Variants in ERBB4 observed in about 807,000 individuals in gnomAD.
ERBB4 encodes the protein receptor tyrosine-protein kinase erbB-4.
In ERBB4, 42 loss-of-function variants were observed where a neutral mutation model predicts 158.0. The ratio of observed to expected loss-of-function variants is 0.27; its 90% CI spans 0.21 to 0.34. The LOEUF (loss-of-function observed/expected upper bound fraction) is 0.34, where lower values mean the gene tolerates loss of function less well. Among genes scored for constraint, ERBB4 ranks in the 10% least tolerant of loss-of-function variants. The pLI is 1.00. For synonymous variants in ERBB4, 583 were observed against 558.7 expected (o/e 1.04, Z -0.61); for missense variants, 1,333 against 1,624.1 (o/e 0.82, Z 3.08).
At chr2:211,670,010 T>A (rs978058960) in intron 14 of ERBB4, among the ~76,000 whole-genome samples, 3 of 152,112 alleles carry the variant, frequency 2.0e-5, no homozygotes, top group African/African-American at 7.2e-5. Context: ...TATTCATAGA[T>A]CAAAAAATGT....
At chr2:211,866,039 C>G (rs1214975500) in intron 3 of ERBB4, among the ~76,000 whole-genome samples, 1 of 152,160 alleles carries the variant, frequency 6.6e-6, no homozygotes, top group Non-Finnish European at 1.5e-5. Flanking sequence ...TAAAAACTAT[C>G]AGGAGAACGA....
intron 1 of ERBB4, among the ~76,000 whole-genome samples, chr2:212,185,929 G>A (rs866937748): frequency 1.3e-5 from 2 of 152,044 alleles, no homozygotes; most frequent in African/African-American, 2.4e-5. Flanking sequence ...AAATTTCTTA[G>A]GCAGTTGTCT....
rs2078052801 is a variant in ERBB4 at position 212,069,655 on chromosome 2, CT to C, written c.234+55096del. 2.0e-5 allele frequency among the ~76,000 whole-genome samples: 3 copies of C among 152,014 alleles called. No homozygotes were observed. The South Asian group carries it at 6.2e-4, about 32-fold the overall frequency. On this transcript the variant is annotated intron_variant, in intron 2 of 27. Coordinates refer to ENST00000342788, the MANE Select transcript of ERBB4 (RefSeq NM_005235.3). Reference sequence around the variant, plus strand: ...TTTCTCTATCTGTAGATGAAATGATCTTATATAAACATTTTACGAAATACAC... The same window carrying C: ...TTTCTCTATCTGTAGATGAAATGATCTATATAAACATTTTACGAAATACAC...
chr2:212,339,346 C>A (rs1447152400), intron 1 of ERBB4, among the ~76,000 whole-genome samples: 1 of 152,134 alleles, frequency 6.6e-6, no homozygotes, highest in East Asian at 1.9e-4. Context: ...CATAATCTTG[C>A]TCATTATTTA....
At chr2:212,379,500 C>G (rs1017777878) in intron 1 of ERBB4, among the ~76,000 whole-genome samples, 1 of 151,574 alleles carries the variant, frequency 6.6e-6, no homozygotes, top group African/African-American at 2.4e-5. Context: ...GTGTAGACTA[C>G]CTTTACTAAT....
At chr2:211,699,752 A>G (rs2073162587) in intron 12 of ERBB4, among the ~76,000 whole-genome samples, 1 of 152,200 alleles carries the variant, frequency 6.6e-6, no homozygotes, top group Non-Finnish European at 1.5e-5. Flanking sequence ...TCCAAGAAGC[A>G]TAACACTGAA....
chr2:212,482,718 G>A (rs1433173076), intron 1 of ERBB4, among the ~76,000 whole-genome samples: 2 of 152,170 alleles, frequency 1.3e-5, no homozygotes, highest in Non-Finnish European at 2.9e-5. Flanking sequence ...CTGGGTTCAA[G>A]GGATTCCCCT....
intron 3 of ERBB4, among the ~76,000 whole-genome samples, chr2:211,900,452 C>G (rs2125029897): frequency 6.6e-6 from 1 of 151,918 alleles, no homozygotes; most frequent in East Asian, 1.9e-4. Flanking sequence ...GTAAAACAAA[C>G]TCATTGCTCT....
intron 1 of ERBB4, among the ~76,000 whole-genome samples, chr2:212,206,878 G>A (rs938207113): frequency 4.6e-5 from 7 of 151,614 alleles, no homozygotes; most frequent in Non-Finnish European, 1.0e-4. Context: ...ATGAGCCACC[G>A]CGCCCGGCCT....
intron 14 of ERBB4, among the ~76,000 whole-genome samples, chr2:211,667,581 C>T (rs1251979955): frequency 3.9e-5 from 6 of 152,076 alleles, no homozygotes; most frequent in African/African-American, 9.7e-5. Flanking sequence ...TACTTAGGCA[C>T]GTAATATTGT....
intron 20 of ERBB4, among the ~76,000 whole-genome samples, chr2:211,506,135 T>C (rs188779979): frequency 6.6e-6 from 1 of 152,022 alleles, no homozygotes; most frequent in Admixed American, 6.5e-5. Context: ...GAGTAGCCAT[T>C]CTTAGACTTT....
At chr2:211,392,606 A>G (rs999836630) in intron 25 of ERBB4, among the ~76,000 whole-genome samples, 45 of 146,096 alleles carry the variant, frequency 3.1e-4, no homozygotes, top group African/African-American at 1.1e-3. Context: ...ACACACCCCA[A>G]TAATGACTCT....
intron 3 of ERBB4, among the ~76,000 whole-genome samples, chr2:211,873,815 T>C (rs1163998161): frequency 1.3e-5 from 2 of 150,680 alleles, no homozygotes; most frequent in Admixed American, 6.6e-5. Flanking sequence ...TTCTGTGGCA[T>C]AGGTTTCTGG....
chr2:211,822,582 T>C (rs1477531214), intron 3 of ERBB4, among the ~76,000 whole-genome samples: 4 of 151,940 alleles, frequency 2.6e-5, no homozygotes, highest in African/African-American at 7.2e-5. Context: ...GAATATTCCA[T>C]AGAAAGAAAA....
At chr2:211,914,340 C>A (rs1247270069) in intron 3 of ERBB4, among the ~76,000 whole-genome samples, 1 of 151,290 alleles carries the variant, frequency 6.6e-6, no homozygotes, top group East Asian at 1.9e-4. Context: ...TAAATGAAAA[C>A]CTAGAATCAG....
At chr2:211,822,098 G>T (rs2077008779) in intron 3 of ERBB4, among the ~76,000 whole-genome samples, 1 of 151,844 alleles carries the variant, frequency 6.6e-6, no homozygotes. Context: ...AAAAAAATTT[G>T]ATCTCTTAGA....
chr2:211,808,594 T>C (rs2076674405), intron 3 of ERBB4, among the ~76,000 whole-genome samples: 1 of 152,196 alleles, frequency 6.6e-6, no homozygotes, highest in African/African-American at 2.4e-5. Flanking sequence ...TTGCTTAGGA[T>C]TGTCTTGGCA....
intron 20 of ERBB4, among the ~76,000 whole-genome samples, chr2:211,478,984 A>T (rs1036131596): frequency 6.6e-6 from 1 of 152,052 alleles, no homozygotes; most frequent in African/African-American, 2.4e-5. Flanking sequence ...TTATCCTTCA[A>T]TCAGTCACAT....
intron 1 of ERBB4, among the ~76,000 whole-genome samples, chr2:212,136,961 A>G (rs2080290417): frequency 6.6e-6 from 1 of 152,100 alleles, no homozygotes; most frequent in African/African-American, 2.4e-5. Context: ...ATAAAAAACA[A>G]AAAGCACCCA....
Sources: gnomAD v4.1 joint callset for allele counts (sites outside exome capture counted in the v4.1 genomes callset) on GRCh38, gnomAD v4.1.1 for gene constraint, MANE v1.5 for transcripts, NCBI Gene and HGNC (gene_info 2026-07-23, HGNC 2026-07-21) for gene names.